The following FARSB variants were observed in gnomAD, a reference collection of about 807,000 sequenced individuals.
The protein encoded by FARSB is phenylalanine--tRNA ligase beta subunit.
A neutral mutation model predicts 69.6 loss-of-function variants in FARSB; 40 were observed. The ratio of observed to expected loss-of-function variants is 0.57; its 90% CI spans 0.45 to 0.75. The LOEUF (loss-of-function observed/expected upper bound fraction) is 0.75. Among genes scored for constraint, FARSB ranks in the 30% least tolerant of loss-of-function variants. The pLI, the probability that FARSB is intolerant of heterozygous loss-of-function variation, is 0.00. For missense variants in FARSB, 632 were observed against 722.9 expected (o/e 0.87, Z 1.44); for synonymous variants, 235 against 247.2 (o/e 0.95, Z 0.46).
At chr2:222,577,878 T>C (rs1490633606) in intron 16 of FARSB, among the ~76,000 whole-genome samples, 2 of 152,212 alleles carry the variant, frequency 1.3e-5, no homozygotes, top group Non-Finnish European at 2.9e-5. Context: ...TCGGGAAACG[T>C]TGAGATCTAT....
Position 222,631,603 on chromosome 2 carries a change from C to A in FARSB, c.786+1G>T, listed in dbSNP as rs1247524396. On this transcript the variant is annotated splice_donor_variant, in intron 8 of 16. Coordinates refer to ENST00000281828, the MANE Select transcript of FARSB (RefSeq NM_005687.5). LOFTEE classifies it high-confidence loss of function. The stretch of plus-strand genomic sequence containing the variant: ...AAAAATTGAGTAAAAGTTTTACTTA[C>A]CTTAGTAAAGTCAGTTCCCGTGCAT... The A allele has an allele frequency of 2.7e-6, 4 of 1,486,286 alleles. No individual in the cohort carries two copies. The highest frequency in any genetic ancestry group is 2.8e-6 in the Non-Finnish European group (3 of 1,064,732). 92.1% of individuals were successfully genotyped at this position (1,486,286 alleles called of 1,614,324 possible).
rs75584169 is a variant in FARSB at position 222,646,538 on chromosome 2, T to A, written c.114+2202A>T. Among the ~76,000 whole-genome samples the A allele has an allele frequency of 4.0e-3, 615 of 152,312 alleles. 37 individuals are homozygous for A. In the East Asian group the frequency reaches 0.11, roughly 28 times the overall value. ...TTTGAATAAAAAAGGTTTAGGGAAT[T>A]TTAAATTCTTATGTCTGTGATAGAT... On this transcript the variant is annotated intron_variant, in intron 2 of 16. Coordinates refer to ENST00000281828, the MANE Select transcript of FARSB (RefSeq NM_005687.5).
intron 10 of FARSB, among the ~76,000 whole-genome samples, chr2:222,627,210 C>T (rs532657853): frequency 6.6e-6 from 1 of 152,206 alleles, no homozygotes; most frequent in East Asian, 1.9e-4. Flanking sequence ...GCCAATCTTC[C>T]AATCAGGAGA....
intron 5 of FARSB, among the ~76,000 whole-genome samples, chr2:222,635,818 G>A (rs1010923479): frequency 5.9e-5 from 9 of 152,158 alleles, no homozygotes; most frequent in Admixed American, 2.6e-4. Context: ...GGTGGCTCAC[G>A]CCTGAAATCT....
At chr2:222,590,422 A>C (rs534252610) in intron 16 of FARSB, among the ~76,000 whole-genome samples, 1 of 152,070 alleles carries the variant, frequency 6.6e-6, no homozygotes, top group East Asian at 1.9e-4. Flanking sequence ...GTAAATGACA[A>C]GTTAATGGTT....
chr2:222,646,414 T>C (rs1159326745), intron 2 of FARSB, among the ~76,000 whole-genome samples: 1 of 152,270 alleles, frequency 6.6e-6, no homozygotes, highest in East Asian at 1.9e-4. Flanking sequence ...GTTTACGATG[T>C]GCTGCTTCAG....
At chr2:222,623,601 A>G (rs2106218650) in intron 13 of FARSB, 49 bp downstream of exon 13, 1 of 962,772 alleles carries the variant, frequency 1.0e-6, no homozygotes, top group East Asian at 2.4e-5. Context: ...AATAATTCAG[A>G]GAGTCTAAGT....
At chr2:222,634,755 G>A (rs1433992037) in intron 5 of FARSB, among the ~76,000 whole-genome samples, 1 of 152,082 alleles carries the variant, frequency 6.6e-6, no homozygotes, top group East Asian at 1.9e-4. Flanking sequence ...ACCATTAAGA[G>A]TACTGAGAAA....
At chr2:222,642,411 C>T (rs1470413613) in intron 3 of FARSB, among the ~76,000 whole-genome samples, 2 of 152,164 alleles carry the variant, frequency 1.3e-5, no homozygotes, top group Admixed American at 6.5e-5. Flanking sequence ...ATCACAGAGC[C>T]GTCATAAGAT....
chr2:222,653,035 G>A (rs375371379), intron 1 of FARSB, among the ~76,000 whole-genome samples: 2 of 152,190 alleles, frequency 1.3e-5, no homozygotes, highest in East Asian at 1.9e-4. Flanking sequence ...CCTTAGGGGT[G>A]TATATGATAT....
At chr2:222,582,447 G>C (rs972556708) in intron 16 of FARSB, among the ~76,000 whole-genome samples, 1 of 152,186 alleles carries the variant, frequency 6.6e-6, no homozygotes, top group Non-Finnish European at 1.5e-5. Context: ...ATAACCTATA[G>C]AGGCAGGGAG....
chr2:222,618,000 A>G (rs1691041371), intron 14 of FARSB, among the ~76,000 whole-genome samples: 1 of 152,240 alleles, frequency 6.6e-6, no homozygotes, highest in Non-Finnish European at 1.5e-5. Context: ...TTACTGAAAA[A>G]TCATTCTATG....
chr2:222,591,819 G>C (rs1173385473), intron 16 of FARSB, among the ~76,000 whole-genome samples: 1 of 152,106 alleles, frequency 6.6e-6, no homozygotes, highest in Non-Finnish European at 1.5e-5. Context: ...GGAAATAAAT[G>C]CCAATGGTTA....
chr2:222,649,224 C>T (rs944656613), intron 1 of FARSB, among the ~76,000 whole-genome samples: 12 of 95,596 alleles, frequency 1.3e-4, no homozygotes, highest in Non-Finnish European at 2.1e-4. Flanking sequence ...GAGACTCCGT[C>T]TCAAAAAATT....
At chr2:222,573,417 G>A (rs116017904) in intron 16 of FARSB, among the ~76,000 whole-genome samples, 77 of 152,200 alleles carry the variant, frequency 5.1e-4, no homozygotes, top group African/African-American at 1.7e-3. Context: ...CTTGGGGTGA[G>A]GGATAGGGAG....
intron 2 of FARSB, among the ~76,000 whole-genome samples, chr2:222,646,693 A>G (rs1691869547): frequency 6.6e-6 from 1 of 152,234 alleles, no homozygotes; most frequent in African/African-American, 2.4e-5. Flanking sequence ...GTGCTAAAAT[A>G]TCCATCTCGT....
intron 1 of FARSB, 79 bp downstream of exon 1, chr2:222,655,937 G>A (rs1559221822): frequency 3.4e-6 from 4 of 1,182,218 alleles, no homozygotes; most frequent in Admixed American, 2.0e-5. Flanking sequence ...AGGCATGAAT[G>A]TCGCCACATT....
intron 14 of FARSB, among the ~76,000 whole-genome samples, chr2:222,615,435 T>C (rs1186483502): frequency 6.6e-6 from 1 of 152,236 alleles, no homozygotes; most frequent in African/African-American, 2.4e-5. Context: ...ATAAAATCCA[T>C]GGCCTACCTG....
rs1371838072 is a variant in FARSB at position 222,630,187 on chromosome 2, G to A, written c.787-13C>T. 7.3e-7 allele frequency: 1 copy of A among 1,367,726 alleles called. No individual in the cohort carries two copies. Among genetic ancestry groups the A allele is most frequent in the East Asian group, 2.5e-5 (1 of 40,444 alleles). The allele number at this position is 1,367,726 out of a possible 1,614,324, so 84.7% of individuals were successfully genotyped here. A position where few individuals can be genotyped will look rare whatever the true frequency, so the allele number is the denominator to read the frequency against. On this transcript the variant is annotated splice_polypyrimidine_tract_variant and intron_variant, in intron 8 of 16. Transcript: ENST00000281828. ...GAACTATTTTTGCCTGCAAAGAAAA[G>A]AAAAACAAATATAGTAATCTATAAA...
Sources: allele counts gnomAD v4.1 joint callset (sites outside exome capture counted in the v4.1 genomes callset), GRCh38; gene constraint gnomAD v4.1.1; transcripts MANE v1.5; gene names NCBI Gene and HGNC (gene_info 2026-07-23, HGNC 2026-07-21).